PRKN: variants seen among roughly 807,000 people sequenced by gnomAD.
PRKN encodes the protein parkin RBR E3 ubiquitin protein ligase, also known as E3 ubiquitin-protein ligase parkin.
A neutral mutation model predicts 59.5 loss-of-function variants in PRKN; 56 were observed. The observed-to-expected ratio is 0.94, with a 90% confidence interval of 0.76 to 1.18. The LOEUF (loss-of-function observed/expected upper bound fraction) is 1.18. Ranked by LOEUF, PRKN falls within the 50% of genes most tolerant of loss-of-function variation. The probability of loss-of-function intolerance (pLI) is 0.00; values close to 1 mark genes in which losing one functional copy is unlikely to be tolerated. For synonymous variants in PRKN, 250 were observed against 222.1 expected (o/e 1.13, Z -1.12); for missense variants, 657 against 596.4 (o/e 1.10, Z -1.06).
At chr6:162,564,713 T>G (rs890402470) in intron 1 of PRKN, among the ~76,000 whole-genome samples, 1 of 152,124 alleles carries the variant, frequency 6.6e-6, no homozygotes, top group East Asian at 1.9e-4. Context: ...TTTAAAGTGC[T>G]GAAGGAAAAA....
chr6:161,899,377 AC>A (rs751623772), intron 6 of PRKN, among the ~76,000 whole-genome samples: 2 of 152,134 alleles, frequency 1.3e-5, no homozygotes. Flanking sequence ...CCTTATTAAA[AC>A]TGTTGCTGAC....
chr6:162,394,616 G>A (rs1217456927), intron 2 of PRKN, among the ~76,000 whole-genome samples: 2 of 152,154 alleles, frequency 1.3e-5, no homozygotes, highest in African/African-American at 4.8e-5. Flanking sequence ...TCCTATACCT[G>A]TAACAGGCTT....
At position 161,921,421 on chromosome 6, in the gene PRKN, A is replaced by G. The variant is rs139465727; in HGVS notation, c.734+51881T>C. Among the ~76,000 whole-genome samples the G allele has an allele frequency of 9.3e-4, 142 of 152,360 alleles. 2 individuals are homozygous for G. The highest frequency in any genetic ancestry group is 1.5e-3 in the Non-Finnish European group (103 of 68,034). Reference sequence around the variant, plus strand: ...CTAAAATAGCAATAAAAAGTATACAATATACATAAACCAGTAACATAATTA... The same window carrying G: ...CTAAAATAGCAATAAAAAGTATACAGTATACATAAACCAGTAACATAATTA... On this transcript the variant is annotated intron_variant, in intron 6 of 11. Coordinates refer to ENST00000366898, the MANE Select transcript of PRKN (RefSeq NM_004562.3).
In PRKN at chr6:161,994,479, A is replaced by G. The variant is rs1781766854; in HGVS notation, c.619-21062T>C. ...AGTACTGAAAGTACTAGCCAAGTCAATCAGGTACAAGAAAGAAAAGTCATC... is the reference window on the plus strand; with the variant it reads ...AGTACTGAAAGTACTAGCCAAGTCAGTCAGGTACAAGAAAGAAAAGTCATC... On this transcript the variant is annotated intron_variant, in intron 5 of 11. Coordinates refer to ENST00000366898, the MANE Select transcript of PRKN (RefSeq NM_004562.3). Among the ~76,000 whole-genome samples, 3 of 152,122 alleles carry G rather than the reference A, an allele frequency of 2.0e-5. No individual in the cohort carries two copies. In the South Asian group the frequency reaches 6.2e-4, roughly 31 times the overall value.
At chr6:162,665,629 A>G (rs1282683591) in intron 1 of PRKN, among the ~76,000 whole-genome samples, 1 of 152,200 alleles carries the variant, frequency 6.6e-6, no homozygotes, top group Admixed American at 6.5e-5. Context: ...TATAGATTCA[A>G]TGCTATTCCC....
At chr6:162,543,855 C>A (rs1779017013) in intron 1 of PRKN, among the ~76,000 whole-genome samples, 5 of 152,136 alleles carry the variant, frequency 3.3e-5, no homozygotes, top group African/African-American at 7.2e-5. Context: ...AAAAACATGG[C>A]AAGGTGCAGG....
intron 6 of PRKN, among the ~76,000 whole-genome samples, chr6:161,816,286 A>G (rs578084135): frequency 6.6e-6 from 1 of 152,020 alleles, no homozygotes. Flanking sequence ...CACTTCCAAA[A>G]CCTCTAAAAA....
At chr6:162,538,764 G>A (rs899421891) in intron 1 of PRKN, among the ~76,000 whole-genome samples, 10 of 152,212 alleles carry the variant, frequency 6.6e-5, no homozygotes, top group Non-Finnish European at 1.2e-4. Flanking sequence ...TCAGCAGAAA[G>A]GACCTTTACA....
chr6:162,356,083 C>T (rs566724883), intron 2 of PRKN, among the ~76,000 whole-genome samples: 1 of 152,060 alleles, frequency 6.6e-6, no homozygotes, highest in African/African-American at 2.4e-5. Flanking sequence ...TTTACACCTG[C>T]CACATTCAGA....
intron 2 of PRKN, among the ~76,000 whole-genome samples, chr6:162,364,977 CTCTTTTTT>C (rs1785353976): frequency 7.2e-6 from 1 of 138,168 alleles, no homozygotes; most frequent in Non-Finnish European, 1.6e-5. Context: ...CTCTCTCTCT[CTCTTTTTT>C]TTTTTTTTTT....
intron 1 of PRKN, among the ~76,000 whole-genome samples, chr6:162,509,964 T>G (rs1051587025): frequency 6.6e-6 from 1 of 152,146 alleles, no homozygotes; most frequent in African/African-American, 2.4e-5. Flanking sequence ...ATGTCATTCT[T>G]TTATGCCCGA....
At position 161,548,082 on chromosome 6, in the gene PRKN, G is replaced by A. The variant is rs544374707; in HGVS notation, c.1083+772C>T. Reference sequence around the variant, plus strand: ...ATGAAGTTGCAATTTTAAAAGAAATGTTTCTCATCAAAATTCAATAGACTT... The same window carrying A: ...ATGAAGTTGCAATTTTAAAAGAAATATTTCTCATCAAAATTCAATAGACTT... On this transcript the variant is annotated intron_variant, in intron 9 of 11. Transcript: ENST00000366898. The surrounding 1 kb of genome is among the most constrained non-coding windows in gnomAD (Gnocchi z 4.2). 6.6e-6 allele frequency among the ~76,000 whole-genome samples: 1 copy of A among 152,274 alleles called. No individual in the cohort carries two copies. The highest frequency in any genetic ancestry group is 1.9e-4 in the East Asian group (1 of 5,178).
At chr6:162,181,893 C>T (rs548892347) in intron 4 of PRKN, among the ~76,000 whole-genome samples, 3 of 152,268 alleles carry the variant, frequency 2.0e-5, no homozygotes, top group African/African-American at 7.2e-5. Flanking sequence ...AAAGGTCACA[C>T]ATCTAGGAAG....
intron 3 of PRKN, among the ~76,000 whole-genome samples, chr6:162,201,752 C>T (rs760998437): frequency 6.6e-5 from 10 of 152,126 alleles, no homozygotes; most frequent in Non-Finnish European, 1.5e-4. Context: ...CTTTCTAACT[C>T]ACAGTCACAC....
At chr6:162,248,547 G>A (rs2128094691) in intron 3 of PRKN, among the ~76,000 whole-genome samples, 1 of 152,208 alleles carries the variant, frequency 6.6e-6, no homozygotes, top group Middle Eastern at 3.4e-3. Flanking sequence ...CAGATACTCT[G>A]AACTACTGAT....
intron 2 of PRKN, among the ~76,000 whole-genome samples, chr6:162,408,999 CCCT>C (rs1454791050): frequency 6.6e-6 from 1 of 151,706 alleles, no homozygotes; most frequent in Non-Finnish European, 1.5e-5. Context: ...CTCCCACTCC[CCCT>C]GTCTCTCTGA....
At chr6:162,258,252 G>A (rs1388192847) in intron 3 of PRKN, among the ~76,000 whole-genome samples, 1 of 152,208 alleles carries the variant, frequency 6.6e-6, no homozygotes, top group African/African-American at 2.4e-5. Context: ...CGTTGAGGTA[G>A]GCATCTTGTC....
At chr6:162,211,523 A>G (rs1324067299) in intron 3 of PRKN, among the ~76,000 whole-genome samples, 19 of 152,162 alleles carry the variant, frequency 1.2e-4, no homozygotes, top group Admixed American at 1.2e-3. Context: ...ATAATTTAAA[A>G]TTTTTTAAAA....
At chr6:162,624,799 G>T (rs1782819287) in intron 1 of PRKN, among the ~76,000 whole-genome samples, 1 of 152,218 alleles carries the variant, frequency 6.6e-6, no homozygotes, top group Non-Finnish European at 1.5e-5. Context: ...GGGATTACAG[G>T]TGTGAGACAC....
Sources: gnomAD v4.1 joint callset for allele counts (sites outside exome capture counted in the v4.1 genomes callset) on GRCh38, gnomAD v4.1.1 for gene constraint, Gnocchi (gnomAD v3.1) non-coding constraint, MANE v1.5 for transcripts, NCBI Gene and HGNC (gene_info 2026-07-23, HGNC 2026-07-21) for gene names.